The following CDH12 variants were observed in gnomAD, a reference collection of about 807,000 sequenced individuals.
The protein encoded by CDH12 is cadherin 12.
In CDH12, 41 loss-of-function variants were observed where a neutral mutation model predicts 74.1. The observed-to-expected ratio is 0.55, with a 90% CI of 0.43 to 0.72. CDH12 has a LOEUF of 0.72. Ranked by LOEUF, CDH12 falls within the 30% of genes least tolerant of loss-of-function variation. CDH12 has a pLI of 0.00. For synonymous variants in CDH12, 399 were observed against 355.0 expected (o/e 1.12, Z -1.39); for missense variants, 945 against 977.2 (o/e 0.97, Z 0.44).
In CDH12 at chr5:22,155,607, T is replaced by C. The variant is rs369291037; in HGVS notation, c.-187+56891A>G. 2.6e-5 allele frequency among the ~76,000 whole-genome samples: 4 copies of C among 152,252 alleles called. No homozygotes were observed. The East Asian group carries it at 7.7e-4, about 29-fold the overall frequency. ...GATTTATTATGTGCAGACTTTGGGTTATTGGAATAGATCATTGAACATATA... is the reference window on the plus strand; with the variant it reads ...GATTTATTATGTGCAGACTTTGGGTCATTGGAATAGATCATTGAACATATA... On this transcript the variant is annotated intron_variant, in intron 4 of 14. Coordinates refer to ENST00000382254, the MANE Select transcript of CDH12 (RefSeq NM_004061.5).
chr5:22,284,131 T>C (rs886660271), intron 3 of CDH12, among the ~76,000 whole-genome samples: 3 of 152,180 alleles, frequency 2.0e-5, no homozygotes, highest in Non-Finnish European at 4.4e-5. Context: ...TATAAAAATA[T>C]TCTCTCTTTG....
intron 5 of CDH12, among the ~76,000 whole-genome samples, chr5:22,054,074 T>C (rs1740572474): frequency 6.6e-6 from 1 of 152,138 alleles, no homozygotes; most frequent in East Asian, 1.9e-4. Context: ...TCATGTCCTA[T>C]GATGATGTAG....
At chr5:21,862,220 G>A (rs1410367691) in intron 6 of CDH12, among the ~76,000 whole-genome samples, 1 of 152,006 alleles carries the variant, frequency 6.6e-6, no homozygotes, top group Non-Finnish European at 1.5e-5. Context: ...AGGCAAGCCA[G>A]CTTAATTTCA....
chr5:22,341,091 G>A (rs1157242137), intron 3 of CDH12, among the ~76,000 whole-genome samples: 1 of 152,146 alleles, frequency 6.6e-6, no homozygotes, highest in Non-Finnish European at 1.5e-5. Flanking sequence ...ACTTTTTAGA[G>A]ACTCAGCTAA....
chr5:22,596,128 A>T (rs1256567773), intron 1 of CDH12, among the ~76,000 whole-genome samples: 1 of 149,558 alleles, frequency 6.7e-6, no homozygotes, highest in African/African-American at 2.4e-5. Context: ...AAAAAATAAA[A>T]AATAAAAATA....
intron 4 of CDH12, among the ~76,000 whole-genome samples, chr5:22,173,716 A>G (rs1312274118): frequency 6.6e-6 from 1 of 151,880 alleles, no homozygotes; most frequent in Non-Finnish European, 1.5e-5. Context: ...TACTCCTACC[A>G]CATACACTGT....
chr5:22,572,659 C>CA (rs1739597295), intron 1 of CDH12, among the ~76,000 whole-genome samples: 1 of 152,116 alleles, frequency 6.6e-6, no homozygotes, highest in East Asian at 1.9e-4. Context: ...TAACATATGA[C>CA]AAAAAACAAC....
chr5:22,283,865 C>T (rs1218658095), intron 3 of CDH12, among the ~76,000 whole-genome samples: 2 of 152,048 alleles, frequency 1.3e-5, no homozygotes, highest in African/African-American at 4.8e-5. Context: ...TAAAACATCA[C>T]ATTTTGTACC....
chr5:21,864,525 C>T (rs1427879167), intron 6 of CDH12, among the ~76,000 whole-genome samples: 3 of 152,258 alleles, frequency 2.0e-5, no homozygotes, highest in Admixed American at 6.5e-5. Flanking sequence ...CAATCTTGGA[C>T]TGCCTGTCCT....
At chr5:21,920,709 C>T (rs949067852) in intron 6 of CDH12, among the ~76,000 whole-genome samples, 1 of 122,352 alleles carries the variant, frequency 8.2e-6, no homozygotes, top group African/African-American at 2.7e-5. Context: ...CCAATATAGC[C>T]ATTTTGTGAC....
intron 9 of CDH12, among the ~76,000 whole-genome samples, chr5:21,811,557 T>A (rs781678543): frequency 3.9e-5 from 6 of 152,076 alleles, no homozygotes; most frequent in Non-Finnish European, 8.8e-5. Context: ...AGGTTTTCAC[T>A]AAGAATGAAG....
At chr5:22,765,124 T>C (rs1417811378) in intron 1 of CDH12, among the ~76,000 whole-genome samples, 1 of 151,924 alleles carries the variant, frequency 6.6e-6, no homozygotes, top group East Asian at 1.9e-4. Context: ...TTAAACAATG[T>C]GCACGTTTCA....
intron 3 of CDH12, among the ~76,000 whole-genome samples, chr5:22,347,567 C>T (rs1186804741): frequency 6.6e-6 from 1 of 152,130 alleles, no homozygotes; most frequent in Non-Finnish European, 1.5e-5. Context: ...TGTGGGACTT[C>T]ACCTTGTGAT....
intron 1 of CDH12, among the ~76,000 whole-genome samples, chr5:22,528,846 T>A (rs557980755): frequency 1.3e-5 from 2 of 152,156 alleles, no homozygotes; most frequent in South Asian, 4.2e-4. Flanking sequence ...TCTTTACTAA[T>A]GAATATAGAA....
At chr5:22,004,700 T>C (rs145859056) in intron 5 of CDH12, among the ~76,000 whole-genome samples, 1 of 152,174 alleles carries the variant, frequency 6.6e-6, no homozygotes, top group Non-Finnish European at 1.5e-5. Flanking sequence ...GTTTGTTACA[T>C]GGATGTATTG....
In CDH12 at chr5:22,662,466, G is replaced by C. The variant is rs974814031; in HGVS notation, c.-522-157102C>G. Among the ~76,000 whole-genome samples the C allele has an allele frequency of 5.3e-5, 8 of 152,216 alleles. No homozygotes were observed. The South Asian group carries it at 1.7e-3, about 32-fold the overall frequency. Reference sequence around the variant, plus strand: ...GTCAAGGAGTCATACGGAACAAAAAGGAAGATGGACATTAACACATATGCA... The same window carrying C: ...GTCAAGGAGTCATACGGAACAAAAACGAAGATGGACATTAACACATATGCA... On this transcript the variant is annotated intron_variant, in intron 1 of 14. Transcript: ENST00000382254.
At chr5:22,027,926 C>T (rs1738495382) in intron 5 of CDH12, among the ~76,000 whole-genome samples, 2 of 151,948 alleles carry the variant, frequency 1.3e-5, no homozygotes, top group African/African-American at 4.8e-5. Flanking sequence ...ATTTTGGATC[C>T]TTCCTACTTT....
chr5:22,806,383 C>T (rs886230420), intron 1 of CDH12, among the ~76,000 whole-genome samples: 2 of 139,572 alleles, frequency 1.4e-5, no homozygotes, highest in Non-Finnish European at 3.0e-5. Context: ...GATGGAGTCT[C>T]GCTCTGTGGC....
intron 4 of CDH12, among the ~76,000 whole-genome samples, chr5:22,105,525 C>T (rs912139706): frequency 1.3e-5 from 2 of 151,238 alleles, no homozygotes; most frequent in African/African-American, 4.8e-5. Flanking sequence ...TGGTGAAACC[C>T]TGTCTCTACT....
Sources: gnomAD v4.1 joint callset for allele counts (sites outside exome capture counted in the v4.1 genomes callset) on GRCh38, gnomAD v4.1.1 for gene constraint, MANE v1.5 for transcripts, NCBI Gene and HGNC (gene_info 2026-07-23, HGNC 2026-07-21) for gene names.